Variants in FZR1 observed in about 807,000 individuals in gnomAD.
FZR1 encodes the protein fizzy-related protein homolog.
A neutral mutation model predicts 63.6 loss-of-function variants in FZR1; 11 were observed. The observed-to-expected ratio is 0.17, with a 90% CI of 0.11 to 0.29. The LOEUF is 0.29. FZR1 is among the 10% of genes least tolerant of loss of function. The pLI is 1.00. For missense variants in FZR1, 440 were observed against 687.5 expected (o/e 0.64, Z 4.03); for synonymous variants, 328 against 297.9 (o/e 1.10, Z -1.04).
At chr19:3,532,138 G>T in intron 10 of FZR1, 43 bp downstream of exon 10, 1 of 1,449,606 alleles carries the variant, frequency 6.9e-7, no homozygotes, top group Non-Finnish European at 9.1e-7. Flanking sequence ...ACCAGAAGCC[G>T]CACCCCTCAC....
chr19:3,533,609 G>GCAGGCC lies in FZR1; in HGVS notation c.1347+213_1347+218dup, dbSNP rs1217093002. 5.4e-6 allele frequency: 3 copies of GCAGGCC among 560,742 alleles called. No individual in the cohort carries two copies. Among genetic ancestry groups the GCAGGCC allele is most frequent in the Admixed American group, 3.2e-5 (1 of 31,156 alleles). The allele number at this position is 560,742 out of a possible 1,614,324, so 34.7% of individuals were successfully genotyped here. Reference sequence around the variant, plus strand: ...TACCGAACTCCCCAGCCCTGCAGGTGCAGGCCCTGTCCTCCTGGAGGACCT... The same window carrying GCAGGCC: ...TACCGAACTCCCCAGCCCTGCAGGTGCAGGCCCAGGCCCTGTCCTCCTGGAGGACCT... On this transcript the variant is annotated intron_variant, in intron 12 of 13. Coordinates refer to ENST00000441788, the MANE Select transcript of FZR1 (RefSeq NM_016263.4). This position sits in a 1 kb window ranked among gnomAD's most constrained non-coding sequence, Gnocchi z 4.9.
At chr19:3,520,605 C>T (rs887140048) in intron 1 of FZR1, among the ~76,000 whole-genome samples, 1 of 152,248 alleles carries the variant, frequency 6.6e-6, no homozygotes, top group African/African-American at 2.4e-5. Context: ...TCCCTCAGAG[C>T]CTGACTGGCC....
intron 11 of FZR1, 77 bp downstream of exon 11, chr19:3,532,727 C>A: frequency 2.0e-6 from 2 of 992,206 alleles, no homozygotes; most frequent in Non-Finnish European, 3.1e-6. Context: ...CACCTGAGAG[C>A]AGCCTGTGGG....
chr19:3,507,363 C>G (rs2082991950), intron 1 of FZR1, among the ~76,000 whole-genome samples: 1 of 151,678 alleles, frequency 6.6e-6, no homozygotes, highest in African/African-American at 2.4e-5. Flanking sequence ...TACCCCTACT[C>G]AAACCTGTGA....
chr19:3,520,180 G>A (rs565318975), intron 1 of FZR1, among the ~76,000 whole-genome samples: 5 of 152,328 alleles, frequency 3.3e-5, no homozygotes, highest in African/African-American at 1.2e-4. Flanking sequence ...AGGAGTGGTC[G>A]GGTGTGGTGG....
intron 11 of FZR1, among the ~76,000 whole-genome samples, 196 bp downstream of exon 11, chr19:3,532,846 G>A (rs1411233048): frequency 6.6e-6 from 1 of 152,016 alleles, no homozygotes; most frequent in Non-Finnish European, 1.5e-5. Flanking sequence ...CTCACCTGGG[G>A]CAAGACTTGG....
At chr19:3,532,769 G>T in intron 11 of FZR1, 119 bp downstream of exon 11, 1 of 734,734 alleles carries the variant, frequency 1.4e-6, no homozygotes, top group Non-Finnish European at 2.3e-6. Flanking sequence ...GAAGGGAGAT[G>T]GGCGAGGGAG....
Position 3,514,120 on chromosome 19 carries a change from C to T in FZR1, c.-35+7646C>T, listed in dbSNP as rs2083041977. ...TTTGCATTGGTGCTGTTCCCAGGCC[C>T]TGTCTACACGGCAGACAGCCCCTCA... On this transcript the variant is annotated intron_variant, in intron 1 of 13. Coordinates refer to ENST00000441788, the MANE Select transcript of FZR1 (RefSeq NM_016263.4). The surrounding 1 kb of genome is among the most constrained non-coding windows in gnomAD (Gnocchi z 4.2). 6.6e-6 allele frequency among the ~76,000 whole-genome samples: 1 copy of T among 152,158 alleles called. No homozygotes were observed. Among genetic ancestry groups the T allele is most frequent in the Non-Finnish European group, 1.5e-5 (1 of 68,010 alleles).
chr19:3,517,491 A>G (rs1568231005), intron 1 of FZR1, among the ~76,000 whole-genome samples: 1 of 152,152 alleles, frequency 6.6e-6, no homozygotes, highest in Non-Finnish European at 1.5e-5. Context: ...GTTCAAGACT[A>G]GCCTGACCAA....
At chr19:3,511,585 A>C (rs2122110483) in intron 1 of FZR1, among the ~76,000 whole-genome samples, 1 of 152,322 alleles carries the variant, frequency 6.6e-6, no homozygotes, top group South Asian at 2.1e-4. Context: ...CTGCACACCC[A>C]GTGGGGGCAG....
intron 1 of FZR1, among the ~76,000 whole-genome samples, chr19:3,520,814 C>T (rs1209749415): frequency 1.3e-5 from 2 of 152,334 alleles, no homozygotes; most frequent in African/African-American, 4.8e-5. Flanking sequence ...GAGTGGTGCT[C>T]GGGATGACAG....
intron 7 of FZR1, among the ~76,000 whole-genome samples, chr19:3,528,853 G>C (rs1278259859): frequency 1.5e-5 from 2 of 133,984 alleles, no homozygotes; most frequent in East Asian, 3.9e-4. Flanking sequence ...GTGGATGGGT[G>C]AGTGGATGAG....
Position 3,537,023 on chromosome 19 carries a change from A to T in FZR1, c.*2187A>T, listed in dbSNP as rs1348727502. ...GCTGGACGGCCCTGTTCCAGGGAGG[A>T]GGTGCTCGGTTGACACCATCAGGGA... On this transcript the variant is annotated 3_prime_UTR_variant, in exon 14 of 14. Transcript: ENST00000441788. 4 of 80,440 alleles carry T rather than the reference A, an allele frequency of 5.0e-5. No homozygotes were observed. The highest frequency in any genetic ancestry group is 9.1e-5 in the Non-Finnish European group (4 of 43,920). 5.0% of individuals were successfully genotyped at this position (80,440 alleles called of 1,614,324 possible).
In FZR1 at chr19:3,516,252, C is replaced by T. The variant is rs759885450; in HGVS notation, c.-34-6704C>T. Among the ~76,000 whole-genome samples, 5 of 152,172 alleles carry T rather than the reference C, an allele frequency of 3.3e-5. No homozygotes were observed. Among genetic ancestry groups the T allele is most frequent in the Non-Finnish European group, 5.9e-5 (4 of 68,030 alleles). On this transcript the variant is annotated intron_variant, in intron 1 of 13. Coordinates refer to ENST00000441788, the MANE Select transcript of FZR1 (RefSeq NM_016263.4). The surrounding 1 kb of genome is among the most constrained non-coding windows in gnomAD (Gnocchi z 6.0). ...ACAGCCTCCCCCACCGTCTGACGGGCGGGAGGGTGGTGTCCTCGGTTGGAT... is the reference window on the plus strand; with the variant it reads ...ACAGCCTCCCCCACCGTCTGACGGGTGGGAGGGTGGTGTCCTCGGTTGGAT...
chr19:3,527,493 G>A (rs1041875920), intron 6 of FZR1, 138 bp from the exon 7 acceptor site: 10 of 673,874 alleles, frequency 1.5e-5, no homozygotes, highest in Non-Finnish European at 2.5e-5. Flanking sequence ...CCTGGGTTTA[G>A]GATCACATGG....
intron 1 of FZR1, among the ~76,000 whole-genome samples, chr19:3,512,920 G>A (rs1043483223): frequency 2.6e-5 from 4 of 152,176 alleles, no homozygotes; most frequent in African/African-American, 7.2e-5. Context: ...TCCAGTGAGA[G>A]CAGACAGCGG....
rs1418782942 is a variant in FZR1 at position 3,530,436 on chromosome 19, ATGGGAGAGCGCATGGGAGAGCG to A, written c.655-355_655-334del. 2.9e-4 allele frequency among the ~76,000 whole-genome samples: 23 copies of A among 80,556 alleles called. No homozygotes were observed. In the East Asian group the frequency reaches 0.034, roughly 120 times the overall value. The allele number at this position is 80,556 out of a possible 152,430, so 52.8% of individuals were successfully genotyped here. A position where few individuals can be genotyped will look rare whatever the true frequency, so the allele number is the denominator to read the frequency against. On this transcript the variant is annotated intron_variant, in intron 7 of 13. Transcript: ENST00000441788. The stretch of plus-strand genomic sequence containing the variant: ...CATGGGAGAGCGCATGGGAGAGCGG[ATGGGAGAGCGCATGGGAGAGCG>A]CATGGATGAGCGCATGGGAGAGCGC...
At position 3,526,834 on chromosome 19, in the gene FZR1, G is replaced by T; in HGVS notation, c.388-146G>T. 1 of 635,602 alleles carries T rather than the reference G, an allele frequency of 1.6e-6. No individual in the cohort carries two copies. Among genetic ancestry groups the T allele is most frequent in the Non-Finnish European group, 2.8e-6 (1 of 358,244 alleles). The allele number at this position is 635,602 out of a possible 1,614,324, so 39.4% of individuals were successfully genotyped here. On this transcript the variant is annotated intron_variant, in intron 5 of 13. Transcript: ENST00000441788. This position sits in a 1 kb window ranked among gnomAD's most constrained non-coding sequence, Gnocchi z 5.4. ...GGGGTCCGCAGTCCCCGCCAGGAAG[G>T]CGCCTGCCTTTTTACAGCTGCTCCA...
rs1462780975 is a variant in FZR1, at chr19:3,526,736, A to G, written c.388-244A>G. ...TCCCACAGGGCCCCACTCTGTCCAC[A>G]TGATCCGGGAGCTCAAAGGCAGGAT... is the stretch of plus-strand genomic sequence containing the variant. On this transcript the variant is annotated intron_variant, in intron 5 of 13. Transcript: ENST00000441788. The surrounding 1 kb of genome is among the most constrained non-coding windows in gnomAD (Gnocchi z 5.4). Among the ~76,000 whole-genome samples, 3 of 144,536 alleles carry G rather than the reference A, an allele frequency of 2.1e-5. No homozygotes were observed. The highest frequency in any genetic ancestry group is 6.8e-5 in the Admixed American group (1 of 14,684). The allele number at this position is 144,536 out of a possible 152,430, so 94.8% of individuals were successfully genotyped here. A position where few individuals can be genotyped will look rare whatever the true frequency, so the allele number is the denominator to read the frequency against.
Sources: gnomAD v4.1 joint callset for allele counts (sites outside exome capture counted in the v4.1 genomes callset) on GRCh38, gnomAD v4.1.1 for gene constraint, Gnocchi (gnomAD v3.1) non-coding constraint, MANE v1.5 for transcripts, NCBI Gene and HGNC (gene_info 2026-07-23, HGNC 2026-07-21) for gene names.